Variants in ADAMTSL1 observed in about 807,000 individuals in gnomAD.
The protein encoded by ADAMTSL1 is ADAMTS-like protein 1.
Under a neutral mutation model 201.8 loss-of-function variants are expected in ADAMTSL1, and 126 were observed. The observed-to-expected ratio is 0.62, with a 90% CI of 0.54 to 0.72. ADAMTSL1 has a LOEUF of 0.72. Ranked by LOEUF, ADAMTSL1 falls within the 30% of genes least tolerant of loss-of-function variation. The pLI is 0.00. For missense variants in ADAMTSL1, 2,679 were observed against 2,277.8 expected (o/e 1.18, Z -3.59); for synonymous variants, 1,121 against 903.4 (o/e 1.24, Z -4.32).
chr9:18,519,118 A>G (rs1318440332), intron 2 of ADAMTSL1, among the ~76,000 whole-genome samples: 2 of 152,212 alleles, frequency 1.3e-5, no homozygotes, highest in African/African-American at 4.8e-5. Context: ...GAGTCTCACC[A>G]TGCTATATTT....
chr9:18,203,744 G>A (rs953668221), intron 2 of ADAMTSL1, among the ~76,000 whole-genome samples: 1 of 152,152 alleles, frequency 6.6e-6, no homozygotes, highest in Non-Finnish European at 1.5e-5. Context: ...ACTGGAGGGA[G>A]TGAGAAATGA....
chr9:18,863,594 C>G (rs1158384316), intron 23 of ADAMTSL1, among the ~76,000 whole-genome samples: 1 of 152,176 alleles, frequency 6.6e-6, no homozygotes, highest in East Asian at 1.9e-4. Flanking sequence ...TAGGGTCCAG[C>G]TGACAAATGG....
At chr9:18,627,441 C>G (rs1826462048) in intron 5 of ADAMTSL1, among the ~76,000 whole-genome samples, 1 of 152,152 alleles carries the variant, frequency 6.6e-6, no homozygotes, top group Non-Finnish European at 1.5e-5. Flanking sequence ...TGATTTAAAG[C>G]AACACAAATT....
chr9:18,640,104 A>G (rs557162597), intron 7 of ADAMTSL1, among the ~76,000 whole-genome samples: 1 of 152,304 alleles, frequency 6.6e-6, no homozygotes, highest in Non-Finnish European at 1.5e-5. Flanking sequence ...GCCAGAGGAC[A>G]TTTGATTTAA....
chr9:18,364,733 G>A (rs565851637), intron 2 of ADAMTSL1, among the ~76,000 whole-genome samples: 10 of 152,132 alleles, frequency 6.6e-5, no homozygotes, highest in African/African-American at 2.4e-4. Flanking sequence ...TGTACAAGAA[G>A]CATACTAGCT....
At chr9:18,137,752 T>A (rs950798460) in intron 1 of ADAMTSL1, among the ~76,000 whole-genome samples, 1 of 152,206 alleles carries the variant, frequency 6.6e-6, no homozygotes, top group African/African-American at 2.4e-5. Context: ...TGTTTCACTA[T>A]CTGTTTAATA....
chr9:18,828,660 T>TATATATA (rs1554643932), intron 22 of ADAMTSL1, among the ~76,000 whole-genome samples: 54 of 28,514 alleles, frequency 1.9e-3, no homozygotes, highest in South Asian at 5.3e-3. Context: ...GAAAGTATAT[T>TATATATA]TATATATATA....
chr9:18,173,940 A>G (rs1828020807), intron 2 of ADAMTSL1, among the ~76,000 whole-genome samples: 1 of 152,144 alleles, frequency 6.6e-6, no homozygotes, highest in Non-Finnish European at 1.5e-5. Context: ...TTAGTATTCA[A>G]ATTCCTGAGT....
intron 1 of ADAMTSL1, among the ~76,000 whole-genome samples, chr9:17,963,965 T>A (rs1817865197): frequency 6.6e-6 from 1 of 152,126 alleles, no homozygotes; most frequent in Non-Finnish European, 1.5e-5. Context: ...GCTCATAGAT[T>A]TATGTCTCTC....
At chr9:18,897,787 T>C (rs1440024517) in intron 26 of ADAMTSL1, among the ~76,000 whole-genome samples, 1 of 151,928 alleles carries the variant, frequency 6.6e-6, no homozygotes, top group Non-Finnish European at 1.5e-5. Context: ...AAAGCCAGAG[T>C]GCCTCTTCTC....
chr9:18,396,251 T>C (rs1240591546), intron 2 of ADAMTSL1, among the ~76,000 whole-genome samples: 1 of 152,094 alleles, frequency 6.6e-6, no homozygotes, highest in Non-Finnish European at 1.5e-5. Flanking sequence ...TTTAGCTCAA[T>C]ATGGAAGTAG....
chr9:18,123,663 A>G (rs1378546885), intron 1 of ADAMTSL1, among the ~76,000 whole-genome samples: 1 of 152,164 alleles, frequency 6.6e-6, no homozygotes, highest in African/African-American at 2.4e-5. Flanking sequence ...AGGTTCAATG[A>G]ATTTTAGTAA....
chr9:17,974,837 C>T (rs11792938), intron 1 of ADAMTSL1, among the ~76,000 whole-genome samples: 41,081 of 151,912 alleles, frequency 0.27, 5,866 homozygotes, highest in Middle Eastern at 0.33. Flanking sequence ...CTGCAATGAA[C>T]ATGGGGTTCT....
intron 1 of ADAMTSL1, among the ~76,000 whole-genome samples, chr9:18,001,786 G>A (rs1586878703): frequency 6.6e-6 from 1 of 152,020 alleles, no homozygotes; most frequent in African/African-American, 2.4e-5. Context: ...CCACTGAGGA[G>A]CATCGCAGAG....
intron 4 of ADAMTSL1, among the ~76,000 whole-genome samples, chr9:18,591,319 T>C (rs573830811): frequency 1.3e-5 from 2 of 152,302 alleles, no homozygotes; most frequent in South Asian, 4.1e-4. Flanking sequence ...CTCTTTTATA[T>C]GATGTAAGTT....
In ADAMTSL1 at chr9:18,729,095, T is replaced by G. The variant is rs146628193; in HGVS notation, c.2006+7430T>G. ...AATTAATGCCCTCCTATCCCAGGTA[T>G]GTTCACATTGTGATTGCTCCTATGA... is the stretch of plus-strand genomic sequence containing the variant. On this transcript the variant is annotated intron_variant, in intron 15 of 28. Coordinates refer to ENST00000380548, the MANE Select transcript of ADAMTSL1 (RefSeq NM_001040272.6). 8.3e-3 allele frequency among the ~76,000 whole-genome samples: 1,270 copies of G among 152,314 alleles called. 28 individuals carry two copies. Among genetic ancestry groups the G allele is most frequent in the African/African-American group, 0.029 (1,187 of 41,560 alleles).
chr9:18,088,035 G>T (rs1452482336), intron 1 of ADAMTSL1, among the ~76,000 whole-genome samples: 1 of 152,056 alleles, frequency 6.6e-6, no homozygotes, highest in Non-Finnish European at 1.5e-5. Flanking sequence ...TTAAAACTAT[G>T]TATTTGCATA....
At chr9:18,622,594 G>A (rs1173855522) in intron 5 of ADAMTSL1, 1 of 618,788 alleles carries the variant, frequency 1.6e-6, no homozygotes, top group Non-Finnish European at 2.8e-6. Context: ...AGGCACATCA[G>A]GAGTGAACCA....
At chr9:18,301,639 A>C (rs567362445) in intron 2 of ADAMTSL1, among the ~76,000 whole-genome samples, 1 of 152,298 alleles carries the variant, frequency 6.6e-6, no homozygotes, top group Non-Finnish European at 1.5e-5. Context: ...CTCCTCGCCT[A>C]TTTTCGGGCT....
Sources: allele counts gnomAD v4.1 joint callset (sites outside exome capture counted in the v4.1 genomes callset), GRCh38; gene constraint gnomAD v4.1.1; transcripts MANE v1.5; gene names NCBI Gene and HGNC (gene_info 2026-07-23, HGNC 2026-07-21).